PEPD: variants seen among roughly 807,000 people sequenced by gnomAD.
PEPD encodes the protein xaa-Pro dipeptidase.
A neutral mutation model predicts 60.7 loss-of-function variants in PEPD; 53 were observed. The ratio of observed to expected loss-of-function variants is 0.87; its 90% confidence interval spans 0.70 to 1.10. The LOEUF (loss-of-function observed/expected upper bound fraction) is 1.10. Among genes scored for constraint, PEPD ranks in the 50% least tolerant of loss-of-function variants. The probability of loss-of-function intolerance (pLI) is 0.00; values close to 1 mark genes in which losing one functional copy is unlikely to be tolerated. For missense variants in PEPD, 711 were observed against 711.9 expected (o/e 1.00, Z 0.01); for synonymous variants, 267 against 284.1 (o/e 0.94, Z 0.60).
intron 3 of PEPD, among the ~76,000 whole-genome samples, chr19:33,510,077 G>A (rs1264903953): frequency 2.6e-5 from 4 of 152,236 alleles, no homozygotes; most frequent in East Asian, 1.9e-4. Flanking sequence ...CACACCTGTC[G>A]ATGCCATGCA....
At chr19:33,437,409 C>T (rs1035442434) in intron 9 of PEPD, among the ~76,000 whole-genome samples, 4 of 151,572 alleles carry the variant, frequency 2.6e-5, no homozygotes, top group African/African-American at 4.9e-5. Context: ...AACAGCCACA[C>T]GAGATGCAGG....
At chr19:33,405,225 G>A (rs959693911) in intron 11 of PEPD, among the ~76,000 whole-genome samples, 1 of 152,180 alleles carries the variant, frequency 6.6e-6, no homozygotes, top group African/African-American at 2.4e-5. Flanking sequence ...ACCCTCCCTG[G>A]GCCCCATGGC....
chr19:33,497,397 G>A (rs1017831425), intron 4 of PEPD, among the ~76,000 whole-genome samples: 1 of 152,270 alleles, frequency 6.6e-6, no homozygotes, highest in African/African-American at 2.4e-5. Flanking sequence ...CCTTTGCACA[G>A]GGCCTTCACG....
intron 3 of PEPD, among the ~76,000 whole-genome samples, chr19:33,502,767 C>T (rs1269630630): frequency 3.3e-5 from 5 of 152,172 alleles, no homozygotes; most frequent in African/African-American, 1.2e-4. Context: ...GATTCTGTCA[C>T]TAGGCCTTGA....
intron 7 of PEPD, among the ~76,000 whole-genome samples, chr19:33,477,473 G>A (rs1380592898): frequency 6.6e-6 from 1 of 152,236 alleles, no homozygotes; most frequent in African/African-American, 2.4e-5. Context: ...AAAGAGCAAT[G>A]CGATGGCTTA....
intron 10 of PEPD, among the ~76,000 whole-genome samples, chr19:33,412,615 C>A (rs10418311): frequency 1.3e-5 from 2 of 152,240 alleles, no homozygotes; most frequent in African/African-American, 4.8e-5. Flanking sequence ...GGGAAGGAAA[C>A]CCCCACCTGG....
intron 9 of PEPD, among the ~76,000 whole-genome samples, chr19:33,419,437 C>T (rs1376398376): frequency 6.6e-6 from 1 of 152,198 alleles, no homozygotes; most frequent in Non-Finnish European, 1.5e-5. Context: ...GATAACAACC[C>T]TTTGGGGGCT....
intron 9 of PEPD, among the ~76,000 whole-genome samples, chr19:33,432,703 A>G (rs1244191025): frequency 1.3e-5 from 2 of 152,232 alleles, no homozygotes; most frequent in African/African-American, 4.8e-5. Context: ...TGCATAAAAC[A>G]TTACGTTCGC....
At chr19:33,470,739 G>C (rs1163919305) in intron 7 of PEPD, among the ~76,000 whole-genome samples, 3 of 152,146 alleles carry the variant, frequency 2.0e-5, no homozygotes, top group Admixed American at 6.5e-5. Context: ...AAGGAGAGCT[G>C]ATGGCCTCAT....
Position 33,512,464 on chromosome 19 carries a change from AGGCG to A in PEPD, c.201+125_201+128del, listed in dbSNP as rs1466297269. On this transcript the variant is annotated intron_variant, in intron 2 of 14. Transcript: ENST00000244137. The stretch of plus-strand genomic sequence containing the variant: ...TCAAGGAGCCCCTGGACCACTTCCC[AGGCG>A]AGGAAACAGAGGCTCAGGGAGGGCC... The A allele has an allele frequency of 3.4e-6, 3 of 872,418 alleles. No homozygotes were observed. In the African/African-American group the frequency reaches 5.0e-5, roughly 14 times the overall value. 54.0% of individuals were successfully genotyped at this position (872,418 alleles called of 1,614,324 possible). A position where few individuals can be genotyped will look rare whatever the true frequency, so the allele number is the denominator to read the frequency against.
chr19:33,490,649 A>G (rs1474033712), intron 5 of PEPD, among the ~76,000 whole-genome samples: 1 of 152,120 alleles, frequency 6.6e-6, no homozygotes, highest in Admixed American at 6.5e-5. Context: ...AAGGCAAGGC[A>G]TTTTATTTCA....
chr19:33,509,573 C>T (rs1970882151), intron 3 of PEPD, among the ~76,000 whole-genome samples: 2 of 152,214 alleles, frequency 1.3e-5, no homozygotes, highest in South Asian at 4.1e-4. Context: ...GGCCCCAGTC[C>T]TCAGCAGAGA....
In PEPD at chr19:33,391,322, G is replaced by T. The variant is rs752440638; in HGVS notation, c.1125C>A (p.Asp375Glu). ...PHGLGHFLGI[D>E]VHDVGGYPEG... is the part of the protein sequence containing the mutation. ...CTGGGTAGCCTCCCACGTCGTGCACGTCAATGCCCAGGAAGTGGCCAAGCC... is the reference window on the plus strand; with the variant it reads ...CTGGGTAGCCTCCCACGTCGTGCACTTCAATGCCCAGGAAGTGGCCAAGCC... Residue 375 changes from aspartate (D) to glutamate (E), a missense_variant, in exon 13 of 15, where the codon GAC becomes GAA. Physicochemically the swap from Asp to Glu is conservative, Grantham distance 45 (BLOSUM62 2). Transcript: ENST00000244137. 1 of 1,611,938 alleles carries T rather than the reference G, an allele frequency of 6.2e-7. No homozygotes were observed. Among genetic ancestry groups the T allele is most frequent in the East Asian group, 2.2e-5 (1 of 44,842 alleles).
At chr19:33,403,551 C>T (rs982031957) in intron 11 of PEPD, among the ~76,000 whole-genome samples, 2 of 152,206 alleles carry the variant, frequency 1.3e-5, no homozygotes, top group African/African-American at 4.8e-5. Flanking sequence ...GCCTGTGCGC[C>T]TGCCTGTGGG....
chr19:33,504,802 G>C (rs1294285197), intron 3 of PEPD, among the ~76,000 whole-genome samples: 1 of 151,980 alleles, frequency 6.6e-6, no homozygotes, highest in Non-Finnish European at 1.5e-5. Context: ...GGGGAGGATG[G>C]GTCAGCAGAG....
At chr19:33,497,576 C>T (rs7250175) in intron 4 of PEPD, among the ~76,000 whole-genome samples, 60,886 of 152,178 alleles carry the variant, frequency 0.4, 12,606 homozygotes, top group African/African-American at 0.46. Context: ...AGCCATGGCA[C>T]TGGAGGCCTT....
In PEPD at chr19:33,521,790, G is replaced by C. The variant is rs773055268; in HGVS notation, c.-30C>G. On this transcript the variant is annotated 5_prime_UTR_variant, in exon 1 of 15. Coordinates refer to ENST00000244137, the MANE Select transcript of PEPD (RefSeq NM_000285.4). ...GCCCGGCACCGGCGTCACGTGAAGT[G>C]CGGCGTCAGCTGAGCCCCTCCGGGT... 102 of 1,561,350 alleles carry C rather than the reference G, an allele frequency of 6.5e-5. No homozygotes were observed. The highest frequency in any genetic ancestry group is 8.7e-5 in the Non-Finnish European group (101 of 1,158,402).
intron 13 of PEPD, among the ~76,000 whole-genome samples, chr19:33,389,942 G>A (rs1968174110): frequency 6.6e-6 from 1 of 152,258 alleles, no homozygotes; most frequent in African/African-American, 2.4e-5. Flanking sequence ...AGCCATGTGG[G>A]GAGGGCACGA....
intron 3 of PEPD, among the ~76,000 whole-genome samples, chr19:33,507,694 C>A (rs1222060251): frequency 1.3e-5 from 2 of 152,182 alleles, no homozygotes; most frequent in Non-Finnish European, 2.9e-5. Flanking sequence ...GTCAGCCTCG[C>A]TCCTGGTGCC....
Sources: allele counts gnomAD v4.1 joint callset (sites outside exome capture counted in the v4.1 genomes callset), GRCh38; gene constraint gnomAD v4.1.1; transcripts MANE v1.5; gene names NCBI Gene and HGNC (gene_info 2026-07-23, HGNC 2026-07-21).